WDFY2: variants seen among roughly 807,000 people sequenced by gnomAD.
WDFY2 encodes the protein WD repeat and FYVE domain-containing protein 2.
A neutral mutation model predicts 56.4 loss-of-function variants in WDFY2; 36 were observed. The observed-to-expected ratio is 0.64, with a 90% CI of 0.49 to 0.84. The LOEUF is 0.84. Among genes scored for constraint, WDFY2 ranks in the 40% least tolerant of loss-of-function variants. WDFY2 has a pLI of 0.00. For missense variants in WDFY2, 444 were observed against 512.2 expected, an observed-to-expected ratio of 0.87 and a Z score of 1.29; for synonymous variants, 176 against 183.7, an observed-to-expected ratio of 0.96 and a Z score of 0.34.
rs746953501 is a variant in WDFY2 at position 51,675,198 on chromosome 13, G to A, written c.234G>A (p.Pro78=). ...PSPCSCMSFN[P]ETRRLSIGLD... is the part of the protein sequence containing the mutation. Reference sequence around the variant, plus strand: ...CATGTTCATGCATGTCTTTTAACCCGGAAACAAGAAGACTGTCCATAGGTC... The same window carrying A: ...CATGTTCATGCATGTCTTTTAACCCAGAAACAAGAAGACTGTCCATAGGTC... Residue 78 remains proline, a synonymous_variant, in exon 3 of 12, where the codon CCG becomes CCA. Coordinates refer to ENST00000298125, the MANE Select transcript of WDFY2 (RefSeq NM_052950.4). 3.7e-6 allele frequency: 6 copies of A among 1,613,808 alleles called. No homozygotes were observed. The highest frequency in any genetic ancestry group is 1.3e-5 in the African/African-American group (1 of 74,982).
At chr13:51,614,163 G>GC (rs1308009404) in intron 1 of WDFY2, among the ~76,000 whole-genome samples, 1 of 145,974 alleles carries the variant, frequency 6.9e-6, no homozygotes, top group Admixed American at 7.0e-5. Context: ...CCCAGCCTGG[G>GC]CGACAGTGCG....
At chr13:51,724,347 C>T (rs972426259) in intron 5 of WDFY2, among the ~76,000 whole-genome samples, 14 of 149,996 alleles carry the variant, frequency 9.3e-5, no homozygotes, top group African/African-American at 3.4e-4. Context: ...AAGCGATTCT[C>T]CTGCCTCAGC....
At chr13:51,622,185 A>G (rs1301755391) in intron 1 of WDFY2, among the ~76,000 whole-genome samples, 3 of 152,240 alleles carry the variant, frequency 2.0e-5, no homozygotes, top group East Asian at 1.9e-4. Flanking sequence ...CCATGTGCCA[A>G]CCGTGCTAAG....
At chr13:51,707,292 G>T (rs952710300) in intron 4 of WDFY2, among the ~76,000 whole-genome samples, 1 of 152,148 alleles carries the variant, frequency 6.6e-6, no homozygotes, top group Non-Finnish European at 1.5e-5. Flanking sequence ...CCAAGTAGCT[G>T]GGACTACAGG....
chr13:51,703,940 T>C (rs1952035869), intron 4 of WDFY2, among the ~76,000 whole-genome samples: 1 of 152,168 alleles, frequency 6.6e-6, no homozygotes, highest in Non-Finnish European at 1.5e-5. Context: ...TACAGCAGGT[T>C]TAGAAAGTGG....
chr13:51,751,570 T>TC (rs961864039), intron 8 of WDFY2, 155 bp downstream of exon 8: 3 of 720,200 alleles, frequency 4.2e-6, no homozygotes, highest in South Asian at 1.6e-5. Flanking sequence ...GTTTTTTTTT[T>TC]CCCTCACAAG....
chr13:51,679,424 C>T (rs1327087838), intron 3 of WDFY2, among the ~76,000 whole-genome samples: 3 of 151,814 alleles, frequency 2.0e-5, no homozygotes, highest in Non-Finnish European at 4.4e-5. Flanking sequence ...TTGAAAAAGG[C>T]CTTAAAATGG....
At chr13:51,757,514 A>G (rs1317039818) in intron 10 of WDFY2, among the ~76,000 whole-genome samples, 2 of 152,028 alleles carry the variant, frequency 1.3e-5, no homozygotes, top group African/African-American at 2.4e-5. Context: ...TTGAAGCATG[A>G]TAAGAGCAGT....
chr13:51,749,571 T>C (rs1324413719), intron 7 of WDFY2, among the ~76,000 whole-genome samples: 1 of 152,126 alleles, frequency 6.6e-6, no homozygotes, highest in Non-Finnish European at 1.5e-5. Flanking sequence ...GAACACACAT[T>C]ACTGAAATTT....
At chr13:51,635,311 T>G (rs1955024946) in intron 1 of WDFY2, among the ~76,000 whole-genome samples, 1 of 152,188 alleles carries the variant, frequency 6.6e-6, no homozygotes, top group Admixed American at 6.5e-5. Context: ...TCATTTTTCA[T>G]GCCAGGCTGT....
chr13:51,715,261 T>C (rs577171420), intron 4 of WDFY2, among the ~76,000 whole-genome samples: 1 of 152,336 alleles, frequency 6.6e-6, no homozygotes, highest in South Asian at 2.1e-4. Flanking sequence ...TTTTTCAGCT[T>C]TTCAACTTTT....
intron 10 of WDFY2, among the ~76,000 whole-genome samples, chr13:51,756,976 T>C (rs1953405408): frequency 6.6e-6 from 1 of 152,214 alleles, no homozygotes; most frequent in Non-Finnish European, 1.5e-5. Flanking sequence ...TACCCCTTGG[T>C]GTGCTGTGGA....
rs183934063 is a variant in WDFY2 at position 51,638,540 on chromosome 13, C to T, written c.138-22056C>T. On this transcript the variant is annotated intron_variant, in intron 1 of 11. Coordinates refer to ENST00000298125, the MANE Select transcript of WDFY2 (RefSeq NM_052950.4). ...AATGACTATAGAATGATTGAGCTTCCGTGCAGTGTAGTCCCTCAAAGACGA... is the reference window on the plus strand; with the variant it reads ...AATGACTATAGAATGATTGAGCTTCTGTGCAGTGTAGTCCCTCAAAGACGA... Among the ~76,000 whole-genome samples the T allele has an allele frequency of 3.5e-3, 528 of 152,202 alleles. 12 individuals are homozygous for T. Among genetic ancestry groups the T allele is most frequent in the Non-Finnish European group, 8.8e-4 (60 of 68,022 alleles).
At chr13:51,624,596 C>T (rs551935188) in intron 1 of WDFY2, among the ~76,000 whole-genome samples, 1 of 152,280 alleles carries the variant, frequency 6.6e-6, no homozygotes, top group African/African-American at 2.4e-5. Context: ...ACGTAATAAG[C>T]AATGATCATG....
intron 1 of WDFY2, among the ~76,000 whole-genome samples, chr13:51,597,356 C>A (rs571682186): frequency 1.1e-4 from 17 of 152,250 alleles, no homozygotes; most frequent in Middle Eastern, 3.4e-3. Context: ...GATGTCCTTA[C>A]CATTATATAA....
Position 51,767,179 on chromosome 13 carries a change from T to C in WDFY2, c.*7410T>C, listed in dbSNP as rs554719888. Reference sequence around the variant, plus strand: ...GTGCAAAGGCACCAAGTGACCTGCATGCTATGGAATCACCGTTGAGGGGGT... The same window carrying C: ...GTGCAAAGGCACCAAGTGACCTGCACGCTATGGAATCACCGTTGAGGGGGT... On this transcript the variant is annotated 3_prime_UTR_variant, in exon 12 of 12. Transcript: ENST00000298125. 5.6e-4 allele frequency: 85 copies of C among 152,416 alleles called. No homozygotes were observed. Among genetic ancestry groups the C allele is most frequent in the African/African-American group, 2.0e-3 (83 of 41,608 alleles). The allele number at this position is 152,416 out of a possible 1,614,324, so 9.4% of individuals were successfully genotyped here.
intron 4 of WDFY2, among the ~76,000 whole-genome samples, chr13:51,715,209 T>C (rs1000249166): frequency 6.6e-6 from 1 of 152,212 alleles, no homozygotes; most frequent in African/African-American, 2.4e-5. Context: ...TTTTCAATAA[T>C]AAACCTAGTG....
intron 3 of WDFY2, among the ~76,000 whole-genome samples, chr13:51,692,507 C>T (rs1951763256): frequency 2.0e-5 from 3 of 152,060 alleles, no homozygotes; most frequent in South Asian, 2.1e-4. Context: ...TATTGATTTG[C>T]GTATATTGAA....
chr13:51,593,486 A>G (rs1352022631), intron 1 of WDFY2, among the ~76,000 whole-genome samples: 2 of 152,170 alleles, frequency 1.3e-5, no homozygotes, highest in Admixed American at 1.3e-4. Context: ...CAAAAGGTTT[A>G]TGCCACTTTA....
Sources: gnomAD v4.1 joint callset for allele counts (sites outside exome capture counted in the v4.1 genomes callset) on GRCh38, gnomAD v4.1.1 for gene constraint, MANE v1.5 for transcripts, NCBI Gene and HGNC (gene_info 2026-07-23, HGNC 2026-07-21) for gene names.